Variants in GABRB3 observed in about 807,000 individuals in gnomAD.
GABRB3 encodes gamma-aminobutyric acid receptor subunit beta-3.
GABRB3 carries 14 observed loss-of-function variants against 52.1 expected under a neutral mutation model. The ratio of observed to expected loss-of-function variants is 0.27; its 90% CI spans 0.18 to 0.42. The LOEUF is 0.42. Ranked by LOEUF, GABRB3 falls within the 10% of genes least tolerant of loss-of-function variation. The pLI is 1.00. For missense variants in GABRB3, 307 were observed against 609.1 expected (o/e 0.50, Z 5.22); for synonymous variants, 260 against 232.3 (o/e 1.12, Z -1.08).
rs113816692 is a variant in GABRB3 at position 26,750,708 on chromosome 15, T to C, written c.240+21694A>G. 1.6e-3 allele frequency among the ~76,000 whole-genome samples: 246 copies of C among 152,194 alleles called. 1 individual carries two copies. Among genetic ancestry groups the C allele is most frequent in the African/African-American group, 5.7e-3 (236 of 41,516 alleles). ...GGCTTTATTATTAAATTGAAACAAATAGAATTTCATAAAATGCTCAACTCA... is the reference window on the plus strand; with the variant it reads ...GGCTTTATTATTAAATTGAAACAAACAGAATTTCATAAAATGCTCAACTCA... On this transcript the variant is annotated intron_variant, in intron 3 of 8. Coordinates refer to ENST00000311550, the MANE Select transcript of GABRB3 (RefSeq NM_000814.6).
chr15:26,728,946 A>G (rs1226477847), intron 3 of GABRB3, among the ~76,000 whole-genome samples: 1 of 152,162 alleles, frequency 6.6e-6, no homozygotes, highest in African/African-American at 2.4e-5. Context: ...TCCTGATGCA[A>G]TTTTCCTCAA....
At chr15:26,641,066 C>G (rs946561829) in intron 3 of GABRB3, among the ~76,000 whole-genome samples, 1 of 152,164 alleles carries the variant, frequency 6.6e-6, no homozygotes. Context: ...TGCCCTGGCT[C>G]AAAATCCAAC....
chr15:26,631,293 A>G (rs1411062041), intron 3 of GABRB3, among the ~76,000 whole-genome samples: 1 of 152,242 alleles, frequency 6.6e-6, no homozygotes, highest in African/African-American at 2.4e-5. Flanking sequence ...AGACATATAA[A>G]CAACAAAGTT....
rs577356412 is a variant in GABRB3, at chr15:26,624,270, A to T, written c.241-2736T>A. On this transcript the variant is annotated intron_variant, in intron 3 of 8. Coordinates refer to ENST00000311550, the MANE Select transcript of GABRB3 (RefSeq NM_000814.6). ...TGCAAAGTTGTGGTTTCACAACAAAAGGAGGATGTGTTAGTGGTGGCGACC... is the reference window on the plus strand; with the variant it reads ...TGCAAAGTTGTGGTTTCACAACAAATGGAGGATGTGTTAGTGGTGGCGACC... 7.1e-6 allele frequency: 7 copies of T among 985,764 alleles called. No individual in the cohort carries two copies. The South Asian group carries it at 3.3e-4, about 46-fold the overall frequency. The allele number at this position is 985,764 out of a possible 1,614,324, so 61.1% of individuals were successfully genotyped here.
At chr15:26,624,629 G>A in intron 3 of GABRB3, 1 of 985,526 alleles carries the variant, frequency 1.0e-6, no homozygotes, top group Non-Finnish European at 1.2e-6. Context: ...TAGTGGGTAA[G>A]AGCTTAGGTA....
chr15:26,577,022 T>C (rs568062756), intron 6 of GABRB3, among the ~76,000 whole-genome samples: 6 of 152,260 alleles, frequency 3.9e-5, no homozygotes, highest in African/African-American at 1.4e-4. Context: ...AGCATGAAGC[T>C]TGAGAAGAAA....
intron 3 of GABRB3, among the ~76,000 whole-genome samples, chr15:26,737,954 C>G (rs1478909587): frequency 6.6e-6 from 1 of 152,184 alleles, no homozygotes; most frequent in Non-Finnish European, 1.5e-5. Context: ...CAATGGGGCA[C>G]GAGTCCTTGT....
In GABRB3 at chr15:26,547,740, G is replaced by C; in HGVS notation, c.*53C>G. On this transcript the variant is annotated 3_prime_UTR_variant, in exon 9 of 9. Transcript: ENST00000311550. Reference sequence around the variant, plus strand: ...CAGGTATAAAAACTTGACAGGCAGAGTAATATTTCACTCAGTGTTAAATGA... The same window carrying C: ...CAGGTATAAAAACTTGACAGGCAGACTAATATTTCACTCAGTGTTAAATGA... The C allele has an allele frequency of 1.4e-6, 2 of 1,447,316 alleles. No individual in the cohort carries two copies. The highest frequency in any genetic ancestry group is 1.1e-5 in the South Asian group (1 of 87,328). 89.7% of individuals were successfully genotyped at this position (1,447,316 alleles called of 1,614,324 possible).
Position 26,567,720 on chromosome 15 carries a change from T to A in GABRB3, c.696A>T (p.Arg232=). ...TCTTCAACCGAAAGCTCAGTGACAG[T>A]CGAGGATAGGCACCTATGGGAAACA... The part of the protein sequence containing the change: ...NVVFATGAYP[R]LSLSFRLKRN... The change falls in exon 7 of 9, where the codon CGA becomes CGT. Residue 232 remains arginine (R), a synonymous_variant. Transcript: ENST00000311550. 6.2e-7 allele frequency: 1 copy of A among 1,614,040 alleles called. No homozygotes were observed. The highest frequency in any genetic ancestry group is 1.3e-5 in the African/African-American group (1 of 75,054).
rs145652516 is a variant in GABRB3 at position 26,597,826 on chromosome 15, T to C, written c.462-14412A>G. On this transcript the variant is annotated intron_variant, in intron 4 of 8. Coordinates refer to ENST00000311550, the MANE Select transcript of GABRB3 (RefSeq NM_000814.6). ...CAGTTAATGTAAAACTTCTTATCCA[T>C]TTTTTCTCCACCCTCAAAATTAAAT... is the stretch of plus-strand genomic sequence containing the variant. Among the ~76,000 whole-genome samples, 738 of 152,272 alleles carry C rather than the reference T, an allele frequency of 4.8e-3. 7 individuals carry two copies. Among genetic ancestry groups the C allele is most frequent in the African/African-American group, 0.017 (713 of 41,544 alleles).
In GABRB3 at chr15:26,615,805, G is replaced by A. The variant is rs1015678086; in HGVS notation, c.461+5509C>T. 10 of 1,190,794 alleles carry A rather than the reference G, an allele frequency of 8.4e-6. No homozygotes were observed. The African/African-American group carries it at 1.4e-4, about 17-fold the overall frequency. 73.8% of individuals were successfully genotyped at this position (1,190,794 alleles called of 1,614,324 possible). On this transcript the variant is annotated intron_variant, in intron 4 of 8. Transcript: ENST00000311550. ...GTGTAGGCTACTGCTGGATAGACAAGGTGAGAGCCAATCTCAGTGTCCAGG... is the reference window on the plus strand; with the variant it reads ...GTGTAGGCTACTGCTGGATAGACAAAGTGAGAGCCAATCTCAGTGTCCAGG...
chr15:26,744,761 G>A (rs1448794029), intron 3 of GABRB3, among the ~76,000 whole-genome samples: 1 of 152,040 alleles, frequency 6.6e-6, no homozygotes, highest in African/African-American at 2.4e-5. Context: ...TGAATAATCA[G>A]TATCAAACTC....
At chr15:26,724,834 GC>G (rs1248246318) in intron 3 of GABRB3, among the ~76,000 whole-genome samples, 1 of 151,808 alleles carries the variant, frequency 6.6e-6, no homozygotes, top group Non-Finnish European at 1.5e-5. Flanking sequence ...TGTTCCCTTT[GC>G]CCCCCCTCAA....
At chr15:26,769,910 T>C (rs1891101013) in intron 3 of GABRB3, among the ~76,000 whole-genome samples, 2 of 152,202 alleles carry the variant, frequency 1.3e-5, no homozygotes, top group South Asian at 4.1e-4. Context: ...TTGAATTTCA[T>C]AACTTACCAC....
chr15:26,676,095 G>A (rs1888059989), intron 3 of GABRB3, among the ~76,000 whole-genome samples: 2 of 152,150 alleles, frequency 1.3e-5, no homozygotes, highest in Non-Finnish European at 2.9e-5. Context: ...AGTGCTTAAG[G>A]AGTCACCACT....
intron 3 of GABRB3, among the ~76,000 whole-genome samples, chr15:26,659,820 A>C (rs1363368813): frequency 6.6e-6 from 1 of 152,198 alleles, no homozygotes; most frequent in Non-Finnish European, 1.5e-5. Flanking sequence ...ATGGGGAGGC[A>C]CACCAGAAAG....
intron 8 of GABRB3, among the ~76,000 whole-genome samples, chr15:26,552,987 A>ATT (rs1336700267): frequency 5.3e-5 from 8 of 152,274 alleles, no homozygotes; most frequent in African/African-American, 1.9e-4. Flanking sequence ...ATGAAAAGGG[A>ATT]TTTGATAAAT....
rs74986747 is a variant in GABRB3, at chr15:26,550,687, T to G, written c.1081-2553A>C. Among the ~76,000 whole-genome samples, 1,164 of 147,462 alleles carry G rather than the reference T, an allele frequency of 7.9e-3. 16 individuals are homozygous for G. The highest frequency in any genetic ancestry group is 0.028 in the African/African-American group (1,123 of 40,180). Reference sequence around the variant, plus strand: ...GTATTTGACCAAGCACCTGAATGATTCTGGAAGCACAGTTAACCCCAGAGC... The same window carrying G: ...GTATTTGACCAAGCACCTGAATGATGCTGGAAGCACAGTTAACCCCAGAGC... On this transcript the variant is annotated intron_variant, in intron 8 of 8. Transcript: ENST00000311550.
At chr15:26,680,829 T>G (rs2140647161) in intron 3 of GABRB3, among the ~76,000 whole-genome samples, 1 of 152,304 alleles carries the variant, frequency 6.6e-6, no homozygotes, top group South Asian at 2.1e-4. Flanking sequence ...GCTCCCTTTT[T>G]GAGGCCCCAG....
Sources: allele counts gnomAD v4.1 joint callset (sites outside exome capture counted in the v4.1 genomes callset), GRCh38; gene constraint gnomAD v4.1.1; transcripts MANE v1.5; gene names NCBI Gene and HGNC (gene_info 2026-07-23, HGNC 2026-07-21).